Variants in DZANK1 observed in about 807,000 individuals in gnomAD.
DZANK1 encodes the protein double zinc ribbon and ankyrin repeat-containing protein 1.
A neutral mutation model predicts 94.5 loss-of-function variants in DZANK1; 91 were observed. That is an observed-to-expected ratio of 0.96 (90% CI 0.81 to 1.15). The LOEUF (loss-of-function observed/expected upper bound fraction) is 1.15, where lower values mean the gene tolerates loss of function less well. Ranked by LOEUF, DZANK1 falls within the 50% of genes most tolerant of loss-of-function variation. DZANK1 has a pLI of 0.00. For synonymous variants in DZANK1, 312 were observed against 325.3 expected, an observed-to-expected ratio of 0.96 and a Z score of 0.44; for missense variants, 903 against 916.4, an observed-to-expected ratio of 0.99 and a Z score of 0.19.
chr20:18,395,322 A>G (rs894896244), intron 15 of DZANK1, among the ~76,000 whole-genome samples: 1 of 152,210 alleles, frequency 6.6e-6, no homozygotes, highest in Admixed American at 6.5e-5. Flanking sequence ...AGATTGTGCT[A>G]CTGCACTCCA....
At chr20:18,428,641 T>G (rs1445443871) in intron 9 of DZANK1, 2 of 152,200 alleles carry the variant, frequency 1.3e-5, no homozygotes, top group African/African-American at 2.4e-5. Flanking sequence ...CAGGATACAA[T>G]CTTTTTCCAT....
At chr20:18,407,458 A>G (rs1194375880) in intron 13 of DZANK1, among the ~76,000 whole-genome samples, 1 of 152,234 alleles carries the variant, frequency 6.6e-6, no homozygotes, top group Non-Finnish European at 1.5e-5. Context: ...AATAGGCACA[A>G]ACAAGTCCAG....
chr20:18,438,823 TTC>T (rs1202101546), intron 8 of DZANK1, among the ~76,000 whole-genome samples: 1 of 152,186 alleles, frequency 6.6e-6, no homozygotes, highest in Non-Finnish European at 1.5e-5. Context: ...AGATGGTACC[TTC>T]TGTGTCTTCA....
At chr20:18,462,408 A>T (rs1251286587) in intron 2 of DZANK1, among the ~76,000 whole-genome samples, 2 of 152,184 alleles carry the variant, frequency 1.3e-5, no homozygotes, top group Middle Eastern at 3.2e-3. Context: ...AAATATTTTC[A>T]TATGTTTAAG....
intron 2 of DZANK1, among the ~76,000 whole-genome samples, chr20:18,463,283 C>T (rs1452803221): frequency 6.6e-6 from 1 of 152,182 alleles, no homozygotes; most frequent in Non-Finnish European, 1.5e-5. Context: ...ACCACGTGTT[C>T]TCACTTATAA....
At chr20:18,394,382 T>A in intron 15 of DZANK1, 32 bp from the exon 16 acceptor site, 2 of 1,593,430 alleles carry the variant, frequency 1.3e-6, no homozygotes, top group Non-Finnish European at 8.6e-7. Flanking sequence ...ACACCATGAA[T>A]GATGAGGCTG....
chr20:18,385,139 G>T, intron 19 of DZANK1, 49 bp from the exon 20 acceptor site: 1 of 1,531,874 alleles, frequency 6.5e-7, no homozygotes, highest in Non-Finnish European at 8.9e-7. Flanking sequence ...AGCATCATCA[G>T]GAAACTGGAG....
intron 9 of DZANK1, among the ~76,000 whole-genome samples, chr20:18,428,150 CAA>C (rs771686647): frequency 1.7e-4 from 18 of 103,364 alleles, no homozygotes; most frequent in Admixed American, 3.0e-4. Context: ...GACTCCGTCT[CAA>C]AAAAAAAAAA....
At chr20:18,446,648 A>G (rs1318815267) in intron 7 of DZANK1, among the ~76,000 whole-genome samples, 4 of 152,218 alleles carry the variant, frequency 2.6e-5, no homozygotes, top group Non-Finnish European at 5.9e-5. Context: ...ATATAAATGT[A>G]CTTATATCTA....
chr20:18,417,974 T>A (rs1411687908), intron 10 of DZANK1, among the ~76,000 whole-genome samples: 1 of 151,986 alleles, frequency 6.6e-6, no homozygotes, highest in Non-Finnish European at 1.5e-5. Context: ...TAATCCCAGC[T>A]ACTTGGGAAG....
chr20:18,438,171 A>ATCATG (rs1468846679), intron 8 of DZANK1, among the ~76,000 whole-genome samples: 2 of 135,870 alleles, frequency 1.5e-5, no homozygotes, highest in Non-Finnish European at 3.1e-5. Context: ...GTGAGCTGAG[A>ATCATG]TCATGTCACT....
At chr20:18,396,231 A>G (rs2056331678) in intron 15 of DZANK1, among the ~76,000 whole-genome samples, 1 of 152,238 alleles carries the variant, frequency 6.6e-6, no homozygotes, top group African/African-American at 2.4e-5. Context: ...ATGCCATCAG[A>G]CTTCAGTGAG....
At chr20:18,436,825 G>A (rs1465227807) in intron 8 of DZANK1, among the ~76,000 whole-genome samples, 1 of 152,102 alleles carries the variant, frequency 6.6e-6, no homozygotes, top group Non-Finnish European at 1.5e-5. Flanking sequence ...ACTGAAAGTA[G>A]CAAGAGAAAA....
intron 19 of DZANK1, among the ~76,000 whole-genome samples, chr20:18,387,290 T>C (rs1401158086): frequency 6.6e-6 from 1 of 152,234 alleles, no homozygotes; most frequent in Non-Finnish European, 1.5e-5. Flanking sequence ...TTTTCTGTGC[T>C]GGCTATTTCC....
intron 7 of DZANK1, among the ~76,000 whole-genome samples, chr20:18,445,838 C>T (rs1347581403): frequency 6.6e-6 from 1 of 152,190 alleles, no homozygotes; most frequent in Admixed American, 6.5e-5. Context: ...CTCACTGCAG[C>T]CTCCACCTCC....
chr20:18,419,227 A>T (rs2057646164), intron 10 of DZANK1, among the ~76,000 whole-genome samples: 1 of 149,688 alleles, frequency 6.7e-6, no homozygotes, highest in South Asian at 2.1e-4. Context: ...GCGCCACTGC[A>T]CTCCAGCCTG....
At chr20:18,448,210 G>C (rs1287172542) in intron 7 of DZANK1, among the ~76,000 whole-genome samples, 1 of 152,164 alleles carries the variant, frequency 6.6e-6, no homozygotes, top group Admixed American at 6.5e-5. Context: ...ACAATAAAAA[G>C]AAACGGATGT....
chr20:18,414,328 T>A lies in DZANK1; in HGVS notation c.1242+20A>T. On this transcript the variant is annotated intron_variant, in intron 12 of 20. Transcript: ENST00000262547. The stretch of plus-strand genomic sequence containing the variant: ...CAGCCTCTTCCTGGGTACCAGTTCT[T>A]ACTACAGGGGAGGCCTCACCTCAGA... 6.2e-7 allele frequency: 1 copy of A among 1,612,952 alleles called. No homozygotes were observed. The highest frequency in any genetic ancestry group is 8.5e-7 in the Non-Finnish European group (1 of 1,179,616).
intron 13 of DZANK1, among the ~76,000 whole-genome samples, chr20:18,409,279 G>A (rs1349557280): frequency 6.6e-6 from 1 of 152,112 alleles, no homozygotes; most frequent in Non-Finnish European, 1.5e-5. Flanking sequence ...ATGACAAGAA[G>A]AGAATCTTGA....
Sources: gnomAD v4.1 joint callset for allele counts (sites outside exome capture counted in the v4.1 genomes callset) on GRCh38, gnomAD v4.1.1 for gene constraint, MANE v1.5 for transcripts, NCBI Gene and HGNC (gene_info 2026-07-23, HGNC 2026-07-21) for gene names.